The following PATL1 variants were observed in gnomAD, a reference collection of about 807,000 sequenced individuals.
PATL1 encodes the protein protein PAT1 homolog 1.
PATL1 carries 32 observed loss-of-function variants against 100.6 expected under a neutral mutation model. That is an observed-to-expected ratio of 0.32 (90% CI 0.24 to 0.43). The LOEUF is 0.43. Among genes scored for constraint, PATL1 ranks in the 20% least tolerant of loss-of-function variants. The pLI is 1.00. For missense variants in PATL1, 747 were observed against 949.9 expected, an observed-to-expected ratio of 0.79 and a Z score of 2.81; for synonymous variants, 332 against 330.0, an observed-to-expected ratio of 1.01 and a Z score of -0.07.
chr11:59,653,142 G>C, intron 9 of PATL1, 124 bp from the exon 10 acceptor site: 1 of 821,574 alleles, frequency 1.2e-6, no homozygotes, highest in Admixed American at 2.6e-5. Flanking sequence ...TTTCTTAAAA[G>C]GGGAGTGAAA....
rs774571735 is a variant in PATL1, at chr11:59,656,502, G to C, written c.720C>G (p.Val240=). 9.9e-6 allele frequency: 16 copies of C among 1,612,682 alleles called. No individual in the cohort carries two copies. The highest frequency in any genetic ancestry group is 2.7e-5 in the African/African-American group (2 of 74,870). ...TGTTAGGCTTAAAGTGACATACCGG[G>C]ACACTGCAGAGCTGGTTTGGAGACA... ...ERMSPNQLCS[V]PNSSLLGHPF... The change falls in exon 6 of 19, where the codon GTC becomes GTG. Residue 240 remains valine, a synonymous_variant. Transcript: ENST00000300146.
At chr11:59,658,174 A>G (rs78621310) in intron 4 of PATL1, among the ~76,000 whole-genome samples, 2 of 150,500 alleles carry the variant, frequency 1.3e-5, no homozygotes, top group African/African-American at 4.9e-5. Context: ...AAAAAAAAAA[A>G]AAAGAAAGAA....
Position 59,638,420 on chromosome 11 carries a change from A to G in PATL1, c.2292-9T>C, listed in dbSNP as rs1565129071. ...GTATCCCCTGAACTAGCCTAGGAGT[A>G]CAAAGGAGAGAAAGGAAAATTGTAT... On this transcript the variant is annotated splice_polypyrimidine_tract_variant and intron_variant, in intron 18 of 18. Coordinates refer to ENST00000300146, the MANE Select transcript of PATL1 (RefSeq NM_152716.3). The G allele has an allele frequency of 1.2e-6, 2 of 1,610,566 alleles. No individual in the cohort carries two copies. Among genetic ancestry groups the G allele is most frequent in the Non-Finnish European group, 1.7e-6 (2 of 1,177,488 alleles).
chr11:59,647,968 A>G (rs936476435), intron 14 of PATL1, 55 bp from the exon 15 acceptor site: 4 of 1,507,060 alleles, frequency 2.7e-6, no homozygotes, highest in African/African-American at 1.4e-5. Context: ...AGAAACCCTC[A>G]TTTTTTTCCT....
At chr11:59,666,376 T>C (rs1056968610) in intron 2 of PATL1, among the ~76,000 whole-genome samples, 1 of 152,270 alleles carries the variant, frequency 6.6e-6, no homozygotes, top group East Asian at 1.9e-4. Context: ...AAAAGCTTTA[T>C]ATTTTGAAGA....
Position 59,642,979 on chromosome 11 carries a change from C to T in PATL1, c.1950G>A (p.Val650=). The T allele has an allele frequency of 6.2e-7, 1 of 1,613,948 alleles. No individual in the cohort carries two copies. Among genetic ancestry groups the T allele is most frequent in the Non-Finnish European group, 8.5e-7 (1 of 1,179,862 alleles). ...FSLLLYHLPS[V]SITSLLRQLM... ...GCTGTCGCAAAAGGCTGGTGATACT[C>T]ACTGATGGAAGATGATAGAGAAGGA... The change falls in exon 16 of 19, where the codon GTG becomes GTA. Residue 650 remains valine, a synonymous_variant. Coordinates refer to ENST00000300146, the MANE Select transcript of PATL1 (RefSeq NM_152716.3).
intron 2 of PATL1, among the ~76,000 whole-genome samples, chr11:59,666,556 T>G (rs1861693925): frequency 6.6e-6 from 1 of 152,204 alleles, no homozygotes; most frequent in Admixed American, 6.5e-5. Flanking sequence ...CTTAAATGTT[T>G]ACTTCTCTAA....
intron 16 of PATL1, among the ~76,000 whole-genome samples, chr11:59,641,119 CAA>C (rs1861272088): frequency 1.3e-5 from 2 of 151,678 alleles, no homozygotes; most frequent in Non-Finnish European, 2.9e-5. Flanking sequence ...TGCAGTGAGA[CAA>C]GATATCGCCA....
intron 14 of PATL1, among the ~76,000 whole-genome samples, chr11:59,649,202 T>C (rs1337458489): frequency 6.6e-6 from 1 of 152,140 alleles, no homozygotes; most frequent in Non-Finnish European, 1.5e-5. Context: ...ACTATATCTC[T>C]AGTGCCTAGC....
At chr11:59,647,977 C>T in intron 14 of PATL1, 64 bp from the exon 15 acceptor site, 1 of 1,454,110 alleles carries the variant, frequency 6.9e-7, no homozygotes, top group South Asian at 1.3e-5. Context: ...CATTTTTTTC[C>T]TCTTAGATGT....
At chr11:59,651,297 C>T (rs1458119313) in intron 12 of PATL1, among the ~76,000 whole-genome samples, 1 of 152,144 alleles carries the variant, frequency 6.6e-6, no homozygotes, top group East Asian at 1.9e-4. Flanking sequence ...GGAGTAAATA[C>T]ATGCTGTTTG....
chr11:59,639,395 G>T lies in PATL1; in HGVS notation c.2050-12C>A, dbSNP rs1237330077. The T allele has an allele frequency of 1.3e-6, 2 of 1,546,848 alleles. No individual in the cohort carries two copies. Among genetic ancestry groups the T allele is most frequent in the South Asian group, 1.2e-5 (1 of 83,886 alleles). On this transcript the variant is annotated splice_polypyrimidine_tract_variant and intron_variant, in intron 16 of 18. Coordinates refer to ENST00000300146, the MANE Select transcript of PATL1 (RefSeq NM_152716.3). ...AGTGACAGGCCAAACTACGAGAAAA[G>T]ACAGAGGGAATCAAACTCAACACTG...
chr11:59,643,302 A>G (rs1252669557), intron 15 of PATL1, among the ~76,000 whole-genome samples: 1 of 152,108 alleles, frequency 6.6e-6, no homozygotes, highest in Non-Finnish European at 1.5e-5. Context: ...TTATGCTAAA[A>G]CATCAATATT....
intron 8 of PATL1, 63 bp downstream of exon 8, chr11:59,655,459 CT>C (rs1861514354): frequency 1.5e-6 from 2 of 1,339,166 alleles, no homozygotes; most frequent in Non-Finnish European, 2.0e-6. Context: ...ACTTATAAAA[CT>C]ACACATCCAC....
chr11:59,646,156 C>T (rs1343344153), intron 15 of PATL1, among the ~76,000 whole-genome samples: 1 of 152,172 alleles, frequency 6.6e-6, no homozygotes, highest in Non-Finnish European at 1.5e-5. Flanking sequence ...TATGAGTGCC[C>T]ATTACACTGC....
chr11:59,649,333 C>CT (rs1861408544), intron 14 of PATL1, 129 bp downstream of exon 14: 1 of 935,430 alleles, frequency 1.1e-6, no homozygotes, highest in South Asian at 1.8e-5. Context: ...TTGAGTTAGG[C>CT]TAAAAGGATA....
Position 59,641,041 on chromosome 11 carries a change from G to A in PATL1, c.2050-1658C>T, listed in dbSNP as rs149104302. On this transcript the variant is annotated intron_variant, in intron 16 of 18. Transcript: ENST00000300146. The stretch of plus-strand genomic sequence containing the variant: ...ACAAACATTAGCCTGGTATGGTGGC[G>A]GGCACCTGTAATCCCAGCTACTTGG... Among the ~76,000 whole-genome samples the A allele has an allele frequency of 3.8e-3, 583 of 151,996 alleles. 5 individuals are homozygous for A. The highest frequency in any genetic ancestry group is 0.012 in the African/African-American group (517 of 41,448).
chr11:59,668,755 C>G (rs751145048), intron 1 of PATL1, 126 bp downstream of exon 1: 7 of 524,528 alleles, frequency 1.3e-5, no homozygotes, highest in South Asian at 2.0e-5. Context: ...TCGCGTCCAG[C>G]TAAGTCCTGC....
intron 12 of PATL1, among the ~76,000 whole-genome samples, chr11:59,651,080 T>C (rs1284572644): frequency 1.3e-5 from 2 of 152,166 alleles, no homozygotes; most frequent in African/African-American, 2.4e-5. Flanking sequence ...CTTTTTTTTT[T>C]CTTAAACGTT....
Sources: gnomAD v4.1 joint callset for allele counts (sites outside exome capture counted in the v4.1 genomes callset) on GRCh38, gnomAD v4.1.1 for gene constraint, MANE v1.5 for transcripts, NCBI Gene and HGNC (gene_info 2026-07-23, HGNC 2026-07-21) for gene names.